CUL1: variants seen among roughly 807,000 people sequenced by gnomAD.
The protein encoded by CUL1 is cullin-1.
Under a neutral mutation model 118.0 loss-of-function variants are expected in CUL1, and 24 were observed. The ratio of observed to expected loss-of-function variants is 0.20; its 90% CI spans 0.15 to 0.29. The LOEUF is 0.29. CUL1 is among the 10% of genes least tolerant of loss of function. CUL1 has a pLI of 1.00. For synonymous variants in CUL1, 332 were observed against 340.4 expected (o/e 0.98, Z 0.27); for missense variants, 361 against 933.8 (o/e 0.39, Z 7.99).
chr7:148,758,995 G>T (rs1368686298), intron 4 of CUL1, among the ~76,000 whole-genome samples: 1 of 152,144 alleles, frequency 6.6e-6, no homozygotes, highest in African/African-American at 2.4e-5. Context: ...ACCTAAATGT[G>T]TACCTTACAG....
intron 2 of CUL1, among the ~76,000 whole-genome samples, chr7:148,743,868 G>A (rs996861081): frequency 6.6e-6 from 1 of 152,202 alleles, no homozygotes; most frequent in African/African-American, 2.4e-5. Flanking sequence ...GTTTCAGTGA[G>A]CCGAGATGGC....
At chr7:148,726,827 C>T (rs886946285) in intron 1 of CUL1, among the ~76,000 whole-genome samples, 3 of 139,904 alleles carry the variant, frequency 2.1e-5, no homozygotes, top group African/African-American at 8.0e-5. Context: ...GAAACCCCAT[C>T]TCTACCAAAA....
intron 2 of CUL1, among the ~76,000 whole-genome samples, chr7:148,735,438 G>C (rs1011765980): frequency 1.2e-4 from 19 of 152,238 alleles, no homozygotes; most frequent in Non-Finnish European, 1.9e-4. Flanking sequence ...CTGCACTGCA[G>C]GGGAGTGCTC....
intron 2 of CUL1, among the ~76,000 whole-genome samples, chr7:148,739,331 T>G (rs1041520476): frequency 6.6e-6 from 1 of 152,202 alleles, no homozygotes; most frequent in Non-Finnish European, 1.5e-5. Context: ...ATAAAAATAC[T>G]GTGAAGCTAA....
chr7:148,778,091 AAAAAAAGAAG>A (rs1800472033), intron 9 of CUL1, among the ~76,000 whole-genome samples: 5 of 126,922 alleles, frequency 3.9e-5, no homozygotes, highest in Non-Finnish European at 1.6e-5. Flanking sequence ...AAAAAAAAAA[AAAAAAAGAAG>A]AAGAAGAAGA....
chr7:148,723,433 C>T (rs1669374859), intron 1 of CUL1, among the ~76,000 whole-genome samples: 1 of 152,122 alleles, frequency 6.6e-6, no homozygotes, highest in Non-Finnish European at 1.5e-5. Context: ...GGACAACTGC[C>T]CTCCTGTAGA....
In CUL1 at chr7:148,786,446, T is replaced by C; in HGVS notation, c.1299-105T>C. 4 of 865,510 alleles carry C rather than the reference T, an allele frequency of 4.6e-6. No homozygotes were observed. In the South Asian group the frequency reaches 6.3e-5, roughly 14 times the overall value. The allele number at this position is 865,510 out of a possible 1,614,324, so 53.6% of individuals were successfully genotyped here. On this transcript the variant is annotated intron_variant, in intron 11 of 21. Coordinates refer to ENST00000325222, the MANE Select transcript of CUL1 (RefSeq NM_003592.3). Reference sequence around the variant, plus strand: ...CCTTCCCTCTTCCTCTGCACTAATCTGATGAGAACTGATCTTTTGAATGCT... The same window carrying C: ...CCTTCCCTCTTCCTCTGCACTAATCCGATGAGAACTGATCTTTTGAATGCT...
intron 2 of CUL1, among the ~76,000 whole-genome samples, chr7:148,746,620 T>G (rs1799316885): frequency 6.6e-6 from 1 of 152,220 alleles, no homozygotes; most frequent in Admixed American, 6.5e-5. Context: ...TGATTCAGAA[T>G]GGACTCTATG....
chr7:148,734,344 A>G (rs1798868051), intron 2 of CUL1, among the ~76,000 whole-genome samples: 1 of 152,174 alleles, frequency 6.6e-6, no homozygotes, highest in Non-Finnish European at 1.5e-5. Flanking sequence ...AGCTGGGGTC[A>G]GGTGATCACC....
At chr7:148,756,454 G>T (rs1325603380) in intron 3 of CUL1, among the ~76,000 whole-genome samples, 1 of 152,104 alleles carries the variant, frequency 6.6e-6, no homozygotes, top group Admixed American at 6.5e-5. Context: ...CCCTGCCTCA[G>T]CCTCCCAAGT....
In CUL1 at chr7:148,742,598, G is replaced by GTTTTTTT. The variant is rs59592789; in HGVS notation, c.141-11366_141-11360dup. Among the ~76,000 whole-genome samples, 23 of 112,172 alleles carry GTTTTTTT rather than the reference G, an allele frequency of 2.1e-4. 1 individual carries two copies. Among genetic ancestry groups the GTTTTTTT allele is most frequent in the South Asian group, 7.0e-4 (2 of 2,864 alleles). The allele number at this position is 112,172 out of a possible 152,430, so 73.6% of individuals were successfully genotyped here. A position where few individuals can be genotyped will look rare whatever the true frequency, so the allele number is the denominator to read the frequency against. ...TTCTTAAATCTTTCTACCTTTTCTG[G>GTTTTTTT]TTTTTTTTTTTTTTTTTTGAGTTGG... On this transcript the variant is annotated intron_variant, in intron 2 of 21. Coordinates refer to ENST00000325222, the MANE Select transcript of CUL1 (RefSeq NM_003592.3).
chr7:148,722,283 C>T lies in CUL1; in HGVS notation c.-161-7679C>T, dbSNP rs556552039. 9.0e-4 allele frequency among the ~76,000 whole-genome samples: 137 copies of T among 152,314 alleles called. 1 individual carries two copies. Among genetic ancestry groups the T allele is most frequent in the African/African-American group, 3.1e-3 (129 of 41,570 alleles). On this transcript the variant is annotated intron_variant, in intron 1 of 21. Transcript: ENST00000325222. The stretch of plus-strand genomic sequence containing the variant: ...GTCATCTTTCTGTCATCTGCACTAA[C>T]GAATGCCCTCAGCTGCCTGCTACAT...
chr7:148,738,565 C>CTGCTTT (rs1799038043), intron 2 of CUL1, among the ~76,000 whole-genome samples: 1 of 152,216 alleles, frequency 6.6e-6, no homozygotes, highest in South Asian at 2.1e-4. Flanking sequence ...ACGTTCTCAC[C>CTGCTTT]TGCTTTCTGG....
intron 2 of CUL1, among the ~76,000 whole-genome samples, chr7:148,734,160 T>C (rs1161544743): frequency 1.3e-5 from 2 of 152,234 alleles, no homozygotes; most frequent in Non-Finnish European, 2.9e-5. Context: ...AAGCCATCAC[T>C]CTTCACTGTG....
At position 148,780,113 on chromosome 7, in the gene CUL1, G is replaced by GTA. The variant is rs3059411; in HGVS notation, c.1084-3658_1084-3657dup. Reference sequence around the variant, plus strand: ...GTAAGTTAATACTTAATAAACTCCCGTATATATATATATCTCCTGTTAGTT... The same window carrying GTA: ...GTAAGTTAATACTTAATAAACTCCCGTATATATATATATATCTCCTGTTAGTT... On this transcript the variant is annotated intron_variant, in intron 9 of 21. Transcript: ENST00000325222. Among the ~76,000 whole-genome samples, 26 of 151,570 alleles carry GTA rather than the reference G, an allele frequency of 1.7e-4. No individual in the cohort carries two copies. The South Asian group carries it at 2.3e-3, about 13-fold the overall frequency.
intron 9 of CUL1, among the ~76,000 whole-genome samples, chr7:148,778,098 G>GAAAAAAAAAAA (rs1563166656): frequency 2.0e-5 from 1 of 49,328 alleles, no homozygotes; most frequent in Non-Finnish European, 3.5e-5. Context: ...AAAAAAAAAA[G>GAAAAAAAAAAA]AAGAAGAAGA....
chr7:148,699,278 G>A (rs2129458656), intron 1 of CUL1, among the ~76,000 whole-genome samples: 1 of 152,030 alleles, frequency 6.6e-6, no homozygotes, highest in South Asian at 2.1e-4. Context: ...GACGGGCCGG[G>A]GCGGCCAGGC....
intron 2 of CUL1, among the ~76,000 whole-genome samples, chr7:148,735,447 T>A (rs1387279848): frequency 6.6e-6 from 1 of 152,234 alleles, no homozygotes; most frequent in Non-Finnish European, 1.5e-5. Flanking sequence ...AGGGGAGTGC[T>A]CAGGTGGCAG....
chr7:148,773,934 A>T (rs1308348852), intron 9 of CUL1, among the ~76,000 whole-genome samples: 1 of 152,190 alleles, frequency 6.6e-6, no homozygotes, highest in Non-Finnish European at 1.5e-5. Flanking sequence ...GGCTCTATCC[A>T]GTTTTGTGTC....
Sources: gnomAD v4.1 joint callset for allele counts (sites outside exome capture counted in the v4.1 genomes callset) on GRCh38, gnomAD v4.1.1 for gene constraint, MANE v1.5 for transcripts, NCBI Gene and HGNC (gene_info 2026-07-23, HGNC 2026-07-21) for gene names.